The following NHERF1 variants were observed in gnomAD, a reference collection of about 807,000 sequenced individuals.
NHERF1 encodes the protein NHERF family PDZ scaffold protein 1, also known as Na(+)/H(+) exchange regulatory cofactor NHE-RF1.
At chr17:74,768,316 C>A in the NHERF1 span, 1 of 1,393,938 alleles carries the variant, frequency 7.2e-7, no homozygotes, top group Non-Finnish European at 1.0e-6. Context: ...GCACACCAGC[C>A]TGCCTTTGAG....
At chr17:74,759,484 C>T in the NHERF1 span, among the ~76,000 whole-genome samples, 1 of 152,298 alleles carries the variant, frequency 6.6e-6, no homozygotes, top group South Asian at 2.1e-4. Context: ...GCTAGCACAG[C>T]CCTGCCCTGC....
chr17:74,763,100 C>T, the NHERF1 span: 1 of 395,104 alleles, frequency 2.5e-6, no homozygotes, highest in African/African-American at 2.0e-5. Context: ...GCTCCCATCC[C>T]ATCTCTCCCA....
At chr17:74,758,455 C>T in the NHERF1 span, among the ~76,000 whole-genome samples, 1 of 152,192 alleles carries the variant, frequency 6.6e-6, no homozygotes, top group Non-Finnish European at 1.5e-5. The surrounding 1 kb of genome is among the most constrained non-coding windows in gnomAD (Gnocchi z 4.3). Context: ...CACCCCGGCC[C>T]AGCTGCGCTG....
At chr17:74,749,364 C>T in the NHERF1 span, 9 of 1,327,456 alleles carry the variant, frequency 6.8e-6, no homozygotes, top group African/African-American at 1.2e-4. This position sits in a 1 kb window ranked among gnomAD's most constrained non-coding sequence, Gnocchi z 5.6. Flanking sequence ...CCCGGCCGTC[C>T]AGCCCCGCGC....
the NHERF1 span, chr17:74,762,130 C>T: frequency 9.3e-6 from 15 of 1,614,044 alleles, no homozygotes; most frequent in African/African-American, 4.0e-5. This position sits in a 1 kb window ranked among gnomAD's most constrained non-coding sequence, Gnocchi z 4.2. Context: ...CCAGACTCCC[C>T]GGCTGAGGCT....
chr17:74,762,304 A>T, the NHERF1 span: 11 of 462,208 alleles, frequency 2.4e-5, no homozygotes, highest in Non-Finnish European at 3.9e-5. This position sits in a 1 kb window ranked among gnomAD's most constrained non-coding sequence, Gnocchi z 4.2. Context: ...TGCTGGATGG[A>T]TGGGTGGATG....
At chr17:74,754,536 A>T in the NHERF1 span, among the ~76,000 whole-genome samples, 2 of 151,042 alleles carry the variant, frequency 1.3e-5, no homozygotes, top group South Asian at 2.1e-4. Flanking sequence ...CCATGTAGCT[A>T]GGATTACAAA....
chr17:74,752,175 C>T, the NHERF1 span, among the ~76,000 whole-genome samples: 2 of 152,176 alleles, frequency 1.3e-5, no homozygotes, highest in Non-Finnish European at 2.9e-5. Flanking sequence ...TGGCTCACAC[C>T]TGTAATCCCA....
At chr17:74,762,860 G>A in the NHERF1 span, among the ~76,000 whole-genome samples, 297 of 152,312 alleles carry the variant, frequency 1.9e-3, 2 homozygotes, top group African/African-American at 6.7e-3. The surrounding 1 kb of genome is among the most constrained non-coding windows in gnomAD (Gnocchi z 4.2). Flanking sequence ...ACCCGGCCCC[G>A]AGTTAGGCTT....
chr17:74,759,653 G>A, the NHERF1 span, among the ~76,000 whole-genome samples: 1 of 152,242 alleles, frequency 6.6e-6, no homozygotes, highest in Non-Finnish European at 1.5e-5. Context: ...GGTTTCTTCA[G>A]CTCCCAGCCT....
chr17:74,762,166 T>C, the NHERF1 span: 2 of 1,613,860 alleles, frequency 1.2e-6, no homozygotes, highest in Admixed American at 1.7e-5. The surrounding 1 kb of genome is among the most constrained non-coding windows in gnomAD (Gnocchi z 4.2). Flanking sequence ...CAGGATCGCA[T>C]TGTGGAGGTG....
the NHERF1 span, among the ~76,000 whole-genome samples, chr17:74,754,739 A>G: frequency 2.6e-5 from 4 of 152,166 alleles, no homozygotes; most frequent in Non-Finnish European, 2.9e-5. Flanking sequence ...TCGGTCTCCC[A>G]AAGTGCTGGG....
the NHERF1 span, among the ~76,000 whole-genome samples, chr17:74,759,380 CAT>C: frequency 1.3e-5 from 2 of 152,234 alleles, no homozygotes; most frequent in Non-Finnish European, 2.9e-5. Context: ...GCTTTGGCAC[CAT>C]ATGTCACTAG....
chr17:74,748,742 T>A, the NHERF1 span: 1 of 1,079,092 alleles, frequency 9.3e-7, no homozygotes, highest in South Asian at 1.5e-5. This position sits in a 1 kb window ranked among gnomAD's most constrained non-coding sequence, Gnocchi z 4.3. Flanking sequence ...GGCTCAGGGC[T>A]TCTCTGCTGC....
At chr17:74,765,053 G>A in the NHERF1 span, among the ~76,000 whole-genome samples, 120 of 152,218 alleles carry the variant, frequency 7.9e-4, no homozygotes, top group Non-Finnish European at 1.1e-3. Context: ...CCTGGAGATG[G>A]AACAGCCACC....
At chr17:74,752,050 C>T in the NHERF1 span, among the ~76,000 whole-genome samples, 34 of 152,320 alleles carry the variant, frequency 2.2e-4, no homozygotes, top group African/African-American at 7.9e-4. Context: ...GGGCAGCTAG[C>T]GCTGGGTCAG....
the NHERF1 span, chr17:74,766,981 G>C: frequency 6.2e-7 from 1 of 1,613,856 alleles, no homozygotes; most frequent in Non-Finnish European, 8.5e-7. Flanking sequence ...CAGAAGGTAA[G>C]GGCGGGTCCC....
chr17:74,754,399 CTTTTTTTTTT>C, the NHERF1 span, among the ~76,000 whole-genome samples: 3 of 59,706 alleles, frequency 5.0e-5, no homozygotes, highest in Admixed American at 2.1e-4. Context: ...TTCTTTCTTT[CTTTTTTTTTT>C]TTTTTTTTTT....
the NHERF1 span, among the ~76,000 whole-genome samples, chr17:74,760,168 G>A: frequency 3.3e-5 from 5 of 152,124 alleles, no homozygotes; most frequent in Admixed American, 1.3e-4. This position sits in a 1 kb window ranked among gnomAD's most constrained non-coding sequence, Gnocchi z 4.5. Context: ...AGCTCTAGGG[G>A]AGAAGAGCCT....
Sources: allele counts gnomAD v4.1 joint callset (sites outside exome capture counted in the v4.1 genomes callset), GRCh38; gene constraint gnomAD v4.1.1; non-coding constraint Gnocchi (gnomAD v3.1); transcripts MANE v1.5; gene names NCBI Gene and HGNC (gene_info 2026-07-23, HGNC 2026-07-21).